RGPD2: variants seen among roughly 807,000 people sequenced by gnomAD.
RGPD2 encodes the protein RANBP2 like and GRIP domain containing 2.
Under a neutral mutation model 36.0 loss-of-function variants are expected in RGPD2, and 2 were observed. The ratio of observed to expected loss-of-function variants is 0.06; its 90% CI spans 0.02 to 0.17. The LOEUF is 0.17. Among genes scored for constraint, RGPD2 ranks in the 10% least tolerant of loss-of-function variants. The probability of loss-of-function intolerance (pLI) is 1.00; values close to 1 mark genes in which losing one functional copy is unlikely to be tolerated. For missense variants in RGPD2, 40 were observed against 464.3 expected (o/e 0.09, Z 8.40); for synonymous variants, 19 against 163.8 (o/e 0.12, Z 6.75).
chr2:87,809,136 T>C (rs1340971055), intron 6 of RGPD2, among the ~76,000 whole-genome samples: 1 of 146,534 alleles, frequency 6.8e-6, no homozygotes, highest in East Asian at 2.1e-4. Flanking sequence ...AAACCCCATC[T>C]CTACTAAAAA....
the RGPD2 span, among the ~76,000 whole-genome samples, chr2:87,845,874 A>G: frequency 6.6e-6 from 1 of 152,070 alleles, no homozygotes; most frequent in Non-Finnish European, 1.5e-5. Context: ...ACTTTAAATT[A>G]GAAATTATAC....
chr2:87,781,634 G>A (rs1006493804), intron 20 of RGPD2, among the ~76,000 whole-genome samples: 7 of 151,006 alleles, frequency 4.6e-5, no homozygotes, highest in African/African-American at 1.5e-4. Flanking sequence ...GCTCATTTTT[G>A]TATTTTCAGT....
the RGPD2 span, among the ~76,000 whole-genome samples, chr2:87,961,231 A>T: frequency 0.038 from 5,774 of 152,310 alleles, 347 homozygotes; most frequent in African/African-American, 0.13. Flanking sequence ...AAGTTAATTT[A>T]AAAAAATGGA....
chr2:87,825,774 G>C lies in RGPD2; in HGVS notation c.-45C>G. On this transcript the variant is annotated 5_prime_UTR_variant, in exon 1 of 23. Transcript: ENST00000398146. ...CCGAGACGCGTGAAACCAGCGCTCA[G>C]CCCCGCAGCAGTCGCCAATTCCAAC... The C allele has an allele frequency of 6.5e-7, 1 of 1,541,118 alleles. No individual in the cohort carries two copies. The highest frequency in any genetic ancestry group is 8.8e-7 in the Non-Finnish European group (1 of 1,142,334).
the RGPD2 span, among the ~76,000 whole-genome samples, chr2:87,847,624 G>A: frequency 6.6e-6 from 1 of 151,004 alleles, no homozygotes; most frequent in Non-Finnish European, 1.5e-5. Context: ...TCAGCCTCCC[G>A]AGTAGCTGGG....
the RGPD2 span, among the ~76,000 whole-genome samples, chr2:87,839,932 T>C: frequency 6.7e-6 from 1 of 150,042 alleles, no homozygotes; most frequent in Non-Finnish European, 1.5e-5. Context: ...TCCTCAAGAG[T>C]GTTTACACAA....
At chr2:87,855,472 T>TA in the RGPD2 span, among the ~76,000 whole-genome samples, 14 of 143,076 alleles carry the variant, frequency 9.8e-5, no homozygotes, top group Admixed American at 6.4e-4. Context: ...CTAATCCTAT[T>TA]AAAAAAACTA....
chr2:87,830,263 G>C (rs1358675624), upstream of RGPD2, among the ~76,000 whole-genome samples: 1 of 152,250 alleles, frequency 6.6e-6, no homozygotes, highest in Non-Finnish European at 1.5e-5. Context: ...TACTTTCACA[G>C]CATTTTCCAC....
At chr2:87,894,163 A>G in the RGPD2 span, among the ~76,000 whole-genome samples, 8 of 151,686 alleles carry the variant, frequency 5.3e-5, no homozygotes, top group Non-Finnish European at 1.0e-4. Flanking sequence ...GAGATAATAA[A>G]TGAATGTTCT....
the RGPD2 span, among the ~76,000 whole-genome samples, chr2:87,973,472 T>A: frequency 7.6e-6 from 1 of 131,020 alleles, no homozygotes; most frequent in South Asian, 2.5e-4. Flanking sequence ...GAAGGGGACA[T>A]CCCATACGTA....
At chr2:87,915,091 G>A in the RGPD2 span, among the ~76,000 whole-genome samples, 47 of 151,748 alleles carry the variant, frequency 3.1e-4, no homozygotes, top group Non-Finnish European at 6.2e-4. Flanking sequence ...AGGTTGCAGT[G>A]AGCCAAGATT....
chr2:87,872,383 A>G, the RGPD2 span, among the ~76,000 whole-genome samples: 3 of 152,364 alleles, frequency 2.0e-5, no homozygotes, highest in Non-Finnish European at 4.4e-5. Flanking sequence ...AACATGATAA[A>G]CAGAAAAAAA....
chr2:87,841,440 T>G, the RGPD2 span, among the ~76,000 whole-genome samples: 1 of 152,176 alleles, frequency 6.6e-6, no homozygotes, highest in Non-Finnish European at 1.5e-5. Flanking sequence ...GAGAAAAACC[T>G]AACACCACAG....
chr2:87,825,544 CGCCGCCCGGCCAGGTCGAG>C (rs1686743557), intron 1 of RGPD2, 95 bp downstream of exon 1: 1 of 754,910 alleles, frequency 1.3e-6, no homozygotes, highest in East Asian at 1.6e-4. Flanking sequence ...AGGCCGAGGC[CGCCGCCCGGCCAGGTCGAG>C]GCCGCCGCCC....
the RGPD2 span, among the ~76,000 whole-genome samples, chr2:87,924,678 A>G: frequency 6.7e-6 from 1 of 148,500 alleles, no homozygotes; most frequent in African/African-American, 2.5e-5. Context: ...AGTCAGTGTG[A>G]AATACTTCCA....
the RGPD2 span, among the ~76,000 whole-genome samples, chr2:87,923,425 A>C: frequency 2.0e-5 from 3 of 152,266 alleles, no homozygotes; most frequent in South Asian, 6.2e-4. Context: ...ATGCTTTTCT[A>C]TCGGCCTCCT....
chr2:87,965,346 GC>G, the RGPD2 span, among the ~76,000 whole-genome samples: 2 of 136,918 alleles, frequency 1.5e-5, no homozygotes, highest in Non-Finnish European at 3.2e-5. Flanking sequence ...TTGTTTTACT[GC>G]CCAAGCCAGT....
At chr2:87,966,376 C>T in the RGPD2 span, among the ~76,000 whole-genome samples, 9,541 of 146,108 alleles carry the variant, frequency 0.065, 159 homozygotes, top group East Asian at 0.3. Context: ...GCAGTGAATA[C>T]GTAATCATCT....
At chr2:87,832,613 TAAAG>T in the RGPD2 span, among the ~76,000 whole-genome samples, 3 of 148,774 alleles carry the variant, frequency 2.0e-5, no homozygotes, top group African/African-American at 7.4e-5. Flanking sequence ...TTAGAATAGA[TAAAG>T]AAATCCTGGA....
Sources: allele counts gnomAD v4.1 joint callset (sites outside exome capture counted in the v4.1 genomes callset), GRCh38; gene constraint gnomAD v4.1.1; transcripts MANE v1.5; gene names NCBI Gene and HGNC (gene_info 2026-07-23, HGNC 2026-07-21).